The following CEP152 variants were observed in gnomAD, a reference collection of about 807,000 sequenced individuals.
CEP152 encodes centrosomal protein of 152 kDa.
A neutral mutation model predicts 188.9 loss-of-function variants in CEP152; 132 were observed. That is an observed-to-expected ratio of 0.70 (90% CI 0.61 to 0.81). The LOEUF (loss-of-function observed/expected upper bound fraction) is 0.81. CEP152 is among the 30% of genes least tolerant of loss of function. CEP152 has a pLI of 0.00. For synonymous variants in CEP152, 649 were observed against 666.6 expected, an observed-to-expected ratio of 0.97 and a Z score of 0.41; for missense variants, 1,914 against 1,969.8, an observed-to-expected ratio of 0.97 and a Z score of 0.54.
At position 48,800,969 on chromosome 15, in the gene CEP152, T is replaced by G. The variant is rs145821784; in HGVS notation, c.88-2918A>C. Among the ~76,000 whole-genome samples, 247 of 152,352 alleles carry G rather than the reference T, an allele frequency of 1.6e-3. 2 individuals carry two copies. The highest frequency in any genetic ancestry group is 5.6e-3 in the African/African-American group (234 of 41,588). On this transcript the variant is annotated intron_variant, in intron 2 of 26. Coordinates refer to ENST00000380950, the MANE Select transcript of CEP152 (RefSeq NM_001194998.2). ...AGGGGCAAATGTAAAACAGAGAACA[T>G]GTAAACCTTTTGTTAGGATTTTCAA...
intron 19 of CEP152, 64 bp downstream of exon 19, chr15:48,760,071 C>G: frequency 6.2e-7 from 1 of 1,607,934 alleles, no homozygotes; most frequent in Admixed American, 1.7e-5. Flanking sequence ...ATTCCAAGGA[C>G]TGAGATAAGA....
intron 24 of CEP152, among the ~76,000 whole-genome samples, chr15:48,742,922 T>A (rs1893099493): frequency 1.3e-5 from 2 of 152,276 alleles, no homozygotes; most frequent in South Asian, 4.1e-4. Flanking sequence ...TCAGTAAGCA[T>A]CTGAAAATTA....
intron 9 of CEP152, among the ~76,000 whole-genome samples, chr15:48,787,136 A>G (rs1258644453): frequency 6.7e-6 from 1 of 148,312 alleles, no homozygotes; most frequent in African/African-American, 2.5e-5. Flanking sequence ...TATAAAGTAG[A>G]CTTTTCAATA....
At chr15:48,765,049 C>T (rs1894960725) in intron 17 of CEP152, among the ~76,000 whole-genome samples, 1 of 151,006 alleles carries the variant, frequency 6.6e-6, no homozygotes, top group South Asian at 2.1e-4. Flanking sequence ...GAAGATTAGA[C>T]AGTCTCCTAA....
intron 24 of CEP152, 126 bp downstream of exon 24, chr15:48,744,114 G>C: frequency 6.9e-7 from 1 of 1,451,272 alleles, no homozygotes; most frequent in Non-Finnish European, 9.3e-7. Context: ...TCTCTTTTAA[G>C]ATTGAAGAAA....
rs142184025 is a variant in CEP152, at chr15:48,784,721, C to A, written c.1174-601G>T. 4.6e-5 allele frequency among the ~76,000 whole-genome samples: 7 copies of A among 152,256 alleles called. No individual in the cohort carries two copies. In the East Asian group the frequency reaches 1.2e-3, roughly 25 times the overall value. ...CTTAATAGCCCCCTTGAAGGTGCTT[C>A]TGCAGTGCCTTAGACATATCAAGTG... On this transcript the variant is annotated intron_variant, in intron 9 of 26. Transcript: ENST00000380950.
At chr15:48,801,033 T>A (rs1897635141) in intron 2 of CEP152, among the ~76,000 whole-genome samples, 1 of 152,160 alleles carries the variant, frequency 6.6e-6, no homozygotes, top group Non-Finnish European at 1.5e-5. Context: ...GAGCCTATAA[T>A]CCTCAATATT....
At chr15:48,806,520 A>G (rs1489130948) in intron 1 of CEP152, among the ~76,000 whole-genome samples, 1 of 152,238 alleles carries the variant, frequency 6.6e-6, no homozygotes, top group Admixed American at 6.5e-5. Context: ...ACTGCCCTCC[A>G]TTCAGTCCAC....
intron 21 of CEP152, among the ~76,000 whole-genome samples, chr15:48,749,093 T>C (rs906027239): frequency 1.3e-5 from 2 of 152,056 alleles, no homozygotes; most frequent in African/African-American, 2.4e-5. Flanking sequence ...CTGGGACAAT[T>C]TGAGCACTAA....
At chr15:48,733,185 G>A (rs1322850912), downstream of CEP152, among the ~76,000 whole-genome samples, 1 of 152,178 alleles carries the variant, frequency 6.6e-6, no homozygotes, top group East Asian at 1.9e-4. Flanking sequence ...TTGTTGTAAA[G>A]TTCAAAATTG....
Position 48,797,288 on chromosome 15 carries a change from G to C in CEP152, c.540+13C>G. On this transcript the variant is annotated intron_variant, in intron 5 of 26. Transcript: ENST00000380950. ...ACACACACAAGTTCTTGAAAGTCAA[G>C]TTTTTACAATACCTGAAAATGGTTC... 1 of 1,613,742 alleles carries C rather than the reference G, an allele frequency of 6.2e-7. No individual in the cohort carries two copies. Among genetic ancestry groups the C allele is most frequent in the Non-Finnish European group, 8.5e-7 (1 of 1,179,854 alleles).
chr15:48,784,023 G>C lies in CEP152; in HGVS notation c.1271C>G (p.Thr424Arg), dbSNP rs553281360. 66 of 1,613,580 alleles carry C rather than the reference G, an allele frequency of 4.1e-5. No individual in the cohort carries two copies. The South Asian group carries it at 6.9e-4, about 17-fold the overall frequency. Residue 424 changes from threonine (T) to arginine (R), a missense_variant, in exon 10 of 27, where the codon ACA (threonine) becomes AGA (arginine). By Grantham distance (71) the Thr-to-Arg change is moderately conservative. Coordinates refer to ENST00000380950, the MANE Select transcript of CEP152 (RefSeq NM_001194998.2). The stretch of plus-strand genomic sequence containing the variant: ...CTTTTGACTCTCCTCTAGACTTCTT[G>C]TCAACTTATTAATGATCTCAGTCTT... ...LEKTEIINKL[T>R]RSLEESQKQC...
intron 7 of CEP152, among the ~76,000 whole-genome samples, chr15:48,792,438 G>C (rs1300825905): frequency 6.6e-6 from 1 of 152,192 alleles, no homozygotes; most frequent in Admixed American, 6.5e-5. Context: ...AAATGAGCTA[G>C]AGTTCAATCA....
At chr15:48,809,029 C>CCAG (rs1362215410) in intron 1 of CEP152, among the ~76,000 whole-genome samples, 4 of 152,100 alleles carry the variant, frequency 2.6e-5, no homozygotes, top group Non-Finnish European at 5.9e-5. Flanking sequence ...ATGCTCTGAC[C>CCAG]CAGCATTCCT....
At chr15:48,731,703 A>C (rs776893852) in intron 2 of CEP152, among the ~76,000 whole-genome samples, 1 of 152,220 alleles carries the variant, frequency 6.6e-6, no homozygotes, top group Non-Finnish European at 1.5e-5. Context: ...AATTAAGCTA[A>C]AGAGCTTCTG....
In CEP152 at chr15:48,739,078, C is replaced by A. The variant is rs1490652860; in HGVS notation, c.4304G>T (p.Gly1435Val). The A allele has an allele frequency of 6.2e-7, 1 of 1,614,188 alleles. No homozygotes were observed. Among genetic ancestry groups the A allele is most frequent in the Admixed American group, 1.7e-5 (1 of 60,016 alleles). ...NSEHQSIKHVGSKETHLEFQF... is the reference protein window; with the variant it reads ...NSEHQSIKHVVSKETHLEFQF... ...GAATTCCAAATGTGTCTCTTTGGAT[C>A]CCACATGCTTTATGCTCTGATGCTC... The change falls in exon 27 of 27, where the codon GGA becomes GTA. Residue 1435 changes from glycine (G) to valine (V), a missense_variant. By Grantham distance (109) the Gly-to-Val change is moderately radical (BLOSUM62 -3). Transcript: ENST00000380950.
At chr15:48,752,789 T>C (rs529208399) in intron 20 of CEP152, among the ~76,000 whole-genome samples, 8 of 152,306 alleles carry the variant, frequency 5.3e-5, no homozygotes, top group African/African-American at 1.9e-4. Flanking sequence ...TTAAACCACA[T>C]GAAAGACAAT....
At position 48,781,128 on chromosome 15, in the gene CEP152, G is replaced by A; in HGVS notation, c.1577+68C>T. The A allele has an allele frequency of 3.7e-6, 5 of 1,359,450 alleles. No homozygotes were observed. In the East Asian group the frequency reaches 1.2e-4, roughly 31 times the overall value. 84.2% of individuals were successfully genotyped at this position (1,359,450 alleles called of 1,614,324 possible). ...AATAATACGCTCTCACCTTAAAACA[G>A]ATACCATGCATCATCAGCATTACTA... On this transcript the variant is annotated intron_variant, in intron 12 of 26. Coordinates refer to ENST00000380950, the MANE Select transcript of CEP152 (RefSeq NM_001194998.2).
At chr15:48,744,804 T>C in intron 23 of CEP152, 92 bp downstream of exon 23, 2 of 1,180,012 alleles carry the variant, frequency 1.7e-6, no homozygotes, top group East Asian at 2.6e-5. Flanking sequence ...TACTTTTTGC[T>C]GTATAACAAA....
Sources: gnomAD v4.1 joint callset for allele counts (sites outside exome capture counted in the v4.1 genomes callset) on GRCh38, gnomAD v4.1.1 for gene constraint, MANE v1.5 for transcripts, NCBI Gene and HGNC (gene_info 2026-07-23, HGNC 2026-07-21) for gene names.